Variants in PIK3R6 observed in about 807,000 individuals in gnomAD.
PIK3R6 encodes the protein phosphoinositide-3-kinase regulatory subunit 6.
PIK3R6 carries 91 observed loss-of-function variants against 84.9 expected under a neutral mutation model. That is an observed-to-expected ratio of 1.07 (90% CI 0.90 to 1.28). The LOEUF (loss-of-function observed/expected upper bound fraction) is 1.28. Ranked by LOEUF, PIK3R6 falls within the 50% of genes most tolerant of loss-of-function variation. PIK3R6 has a pLI of 0.00. For missense variants in PIK3R6, 996 were observed against 985.1 expected (o/e 1.01, Z -0.15); for synonymous variants, 416 against 411.4 (o/e 1.01, Z -0.13).
chr17:8,808,871 T>G (rs1435618712), intron 18 of PIK3R6, among the ~76,000 whole-genome samples: 1 of 152,164 alleles, frequency 6.6e-6, no homozygotes, highest in Non-Finnish European at 1.5e-5. Flanking sequence ...TATAAGAAAG[T>G]GTTGTCTCTG....
intron 11 of PIK3R6, 120 bp from the exon 12 acceptor site, chr17:8,828,310 C>T: frequency 9.2e-7 from 1 of 1,087,952 alleles, no homozygotes; most frequent in Non-Finnish European, 1.4e-6. Context: ...TGAGCCTCTG[C>T]TTTCTCATCT....
intron 18 of PIK3R6, among the ~76,000 whole-genome samples, chr17:8,807,155 T>C (rs925548704): frequency 4.6e-5 from 7 of 152,206 alleles, no homozygotes; most frequent in African/African-American, 7.2e-5. Flanking sequence ...GGTTGCCCTA[T>C]ACGAAGACAG....
rs993106931 is a variant in PIK3R6, at chr17:8,860,918, G to A, written c.-92+6611C>T. ...CTATTGGGCTCTTGAAAGCAGACACGGGCCGGGCACGGTCACGCCTGTAAT... is the reference window on the plus strand; with the variant it reads ...CTATTGGGCTCTTGAAAGCAGACACAGGCCGGGCACGGTCACGCCTGTAAT... On this transcript the variant is annotated intron_variant, in intron 1 of 19. Coordinates refer to ENST00000619866, the MANE Select transcript of PIK3R6 (RefSeq NM_001010855.4). Among the ~76,000 whole-genome samples, 9 of 17,160 alleles carry A rather than the reference G, an allele frequency of 5.2e-4. No homozygotes were observed. The Admixed American group carries it at 5.9e-3, about 11-fold the overall frequency. 11.3% of individuals were successfully genotyped at this position (17,160 alleles called of 152,430 possible).
chr17:8,848,077 T>G lies in PIK3R6; in HGVS notation c.13+1705A>C, dbSNP rs75469263. ...GTCTCTGTCTCTCTCAGACAGCCTT[T>G]TTCAGAGAATGGCCAGGAGGGAAGG... On this transcript the variant is annotated intron_variant, in intron 2 of 19. Coordinates refer to ENST00000619866, the MANE Select transcript of PIK3R6 (RefSeq NM_001010855.4). Among the ~76,000 whole-genome samples, 201 of 152,278 alleles carry G rather than the reference T, an allele frequency of 1.3e-3. 1 individual carries two copies. In the East Asian group the frequency reaches 0.028, roughly 22 times the overall value.
At chr17:8,841,962 G>A (rs898966303) in intron 2 of PIK3R6, among the ~76,000 whole-genome samples, 6 of 152,098 alleles carry the variant, frequency 3.9e-5, no homozygotes, top group East Asian at 3.9e-4. Context: ...CCATCCTTGC[G>A]GTAATGAGTG....
chr17:8,828,144 G>A lies in PIK3R6; in HGVS notation c.1360C>T (p.Gln454Ter), dbSNP rs376771141. The change falls in exon 12 of 20, where the codon CAG (glutamine) becomes TAG (stop). Residue 454 changes from glutamine (Q) to a stop codon, truncating the protein, a stop_gained. Coordinates refer to ENST00000619866, the MANE Select transcript of PIK3R6 (RefSeq NM_001010855.4). LOFTEE classifies it high-confidence loss of function. ...KFCLTPRLSL[Q>*]LYYIPVLAPE... ...GCCAGCACGGGGATGTAGTAGAGCTGCAGGCTGAGTCTGGGAGTGAGGCAG... is the reference window on the plus strand; with the variant it reads ...GCCAGCACGGGGATGTAGTAGAGCTACAGGCTGAGTCTGGGAGTGAGGCAG... 23 of 1,613,894 alleles carry A rather than the reference G, an allele frequency of 1.4e-5. No individual in the cohort carries two copies. Among genetic ancestry groups the A allele is most frequent in the Non-Finnish European group, 1.7e-5 (20 of 1,179,884 alleles).
At chr17:8,861,299 G>T (rs1046452791) in intron 1 of PIK3R6, among the ~76,000 whole-genome samples, 1 of 152,092 alleles carries the variant, frequency 6.6e-6, no homozygotes, top group South Asian at 2.1e-4. Context: ...TCTGAAATGG[G>T]CTGGGCATTA....
chr17:8,818,927 C>A (rs192493949), intron 18 of PIK3R6, among the ~76,000 whole-genome samples, 156 bp downstream of exon 18: 4 of 152,302 alleles, frequency 2.6e-5, no homozygotes, highest in South Asian at 2.1e-4. Context: ...GATTGAAAAG[C>A]GGATTCCTTC....
At position 8,842,211 on chromosome 17, in the gene PIK3R6, C is replaced by T. The variant is rs2088698994; in HGVS notation, c.14-2514G>A. ...CCTCTTTTCTTTATAAATTACCCAG[C>T]TGCAGGTATTCCTTTATATTATAGC... On this transcript the variant is annotated intron_variant, in intron 2 of 19. Coordinates refer to ENST00000619866, the MANE Select transcript of PIK3R6 (RefSeq NM_001010855.4). The surrounding 1 kb of genome is among the most constrained non-coding windows in gnomAD (Gnocchi z 4.5). Among the ~76,000 whole-genome samples, 1 of 152,156 alleles carries T rather than the reference C, an allele frequency of 6.6e-6. No individual in the cohort carries two copies. Among genetic ancestry groups the T allele is most frequent in the African/African-American group, 2.4e-5 (1 of 41,416 alleles).
chr17:8,805,465 C>T (rs1166467699), intron 18 of PIK3R6, among the ~76,000 whole-genome samples: 1 of 152,144 alleles, frequency 6.6e-6, no homozygotes, highest in Non-Finnish European at 1.5e-5. Context: ...AGGCCAAGCC[C>T]CCACCTATCA....
intron 2 of PIK3R6, among the ~76,000 whole-genome samples, chr17:8,840,962 T>C (rs72841882): frequency 0.2 from 30,687 of 150,726 alleles, 3,344 homozygotes; most frequent in Non-Finnish European, 0.23. Context: ...CCGTGTTAGC[T>C]AGGATGGTCT....
intron 4 of PIK3R6, 85 bp from the exon 5 acceptor site, chr17:8,837,956 C>T (rs771926207): frequency 3.2e-5 from 39 of 1,223,260 alleles, no homozygotes; most frequent in African/African-American, 4.5e-5. Context: ...TGGGAGTGGG[C>T]AGGAGATGGG....
intron 1 of PIK3R6, among the ~76,000 whole-genome samples, chr17:8,852,747 A>G (rs1245073795): frequency 6.6e-6 from 1 of 151,896 alleles, no homozygotes; most frequent in African/African-American, 2.4e-5. Context: ...TCAAAAAAAA[A>G]AAAAAAGAGA....
chr17:8,852,752 A>AG (rs1555539015), intron 1 of PIK3R6, among the ~76,000 whole-genome samples: 1 of 151,642 alleles, frequency 6.6e-6, no homozygotes, highest in Non-Finnish European at 1.5e-5. Flanking sequence ...AAAAAAAAAA[A>AG]AGAGAGAGAG....
chr17:8,819,206 A>C lies in PIK3R6; in HGVS notation c.1880-8T>G. On this transcript the variant is annotated splice_polypyrimidine_tract_variant and splice_region_variant and intron_variant, in intron 17 of 19. Transcript: ENST00000619866. ...AATGGCTAGACCCTGAAACTGAATG[A>C]GATGGGTGGGGCTGTAAATGGACCT... The C allele has an allele frequency of 6.3e-7, 1 of 1,588,372 alleles. No individual in the cohort carries two copies. The highest frequency in any genetic ancestry group is 8.6e-7 in the Non-Finnish European group (1 of 1,162,538).
intron 17 of PIK3R6, among the ~76,000 whole-genome samples, chr17:8,820,653 C>T (rs2087704899): frequency 6.6e-6 from 1 of 152,206 alleles, no homozygotes; most frequent in South Asian, 2.1e-4. Context: ...ATGTCATCCA[C>T]AAATTCAACT....
At position 8,821,754 on chromosome 17, in the gene PIK3R6, G is replaced by A; in HGVS notation, c.1879+92C>T. 3 of 1,343,404 alleles carry A rather than the reference G, an allele frequency of 2.2e-6. No individual in the cohort carries two copies. In the South Asian group the frequency reaches 3.9e-5, roughly 17 times the overall value. 83.2% of individuals were successfully genotyped at this position (1,343,404 alleles called of 1,614,324 possible). On this transcript the variant is annotated intron_variant, in intron 17 of 19. Coordinates refer to ENST00000619866, the MANE Select transcript of PIK3R6 (RefSeq NM_001010855.4). ...CTGGCTCCAGTTCCGTGACTGAGAG[G>A]GCTCCCCCTTCTCCTGCCACTCTGC...
chr17:8,824,705 G>C (rs1172600991), intron 13 of PIK3R6, among the ~76,000 whole-genome samples: 1 of 152,198 alleles, frequency 6.6e-6, no homozygotes, highest in Non-Finnish European at 1.5e-5. Context: ...CAGCAAAGGA[G>C]CACCAATGGG....
intron 18 of PIK3R6, among the ~76,000 whole-genome samples, chr17:8,808,564 G>A (rs940314957): frequency 2.0e-5 from 3 of 152,220 alleles, no homozygotes; most frequent in Non-Finnish European, 4.4e-5. Context: ...TTAACTATTA[G>A]AAAGTACTGG....
Sources: allele counts gnomAD v4.1 joint callset (sites outside exome capture counted in the v4.1 genomes callset), GRCh38; gene constraint gnomAD v4.1.1; non-coding constraint Gnocchi (gnomAD v3.1); transcripts MANE v1.5; gene names NCBI Gene and HGNC (gene_info 2026-07-23, HGNC 2026-07-21).